The following PSD3 variants were observed in gnomAD, a reference collection of about 807,000 sequenced individuals.
The protein encoded by PSD3 is pleckstrin and Sec7 domain containing 3, also known as PH and SEC7 domain-containing protein 3.
PSD3 carries 49 observed loss-of-function variants against 105.5 expected under a neutral mutation model. The observed-to-expected ratio is 0.46, with a 90% CI of 0.37 to 0.59. The LOEUF is 0.59. PSD3 is among the 20% of genes least tolerant of loss of function. The pLI, the probability that PSD3 is intolerant of heterozygous loss-of-function variation, is 0.00. For missense variants in PSD3, 1,561 were observed against 1,263.8 expected, an observed-to-expected ratio of 1.24 and a Z score of -3.57; for synonymous variants, 557 against 457.8, an observed-to-expected ratio of 1.22 and a Z score of -2.77.
intron 10 of PSD3, among the ~76,000 whole-genome samples, chr8:18,643,088 T>C (rs1487754): frequency 0.32 from 48,911 of 152,044 alleles, 8,080 homozygotes; most frequent in Middle Eastern, 0.5. Flanking sequence ...TCACGAATGG[T>C]GACTTATTTC....
intron 9 of PSD3, among the ~76,000 whole-genome samples, chr8:18,679,293 A>G (rs1362138688): frequency 6.6e-6 from 1 of 152,236 alleles, no homozygotes; most frequent in Admixed American, 6.5e-5. Context: ...CAGTTATCTA[A>G]CAATGCAAAG....
chr8:18,812,004 A>C (rs1467168156), intron 4 of PSD3, among the ~76,000 whole-genome samples: 1 of 152,244 alleles, frequency 6.6e-6, no homozygotes, highest in Non-Finnish European at 1.5e-5. Flanking sequence ...TTATTATTAA[A>C]TAACGATTGC....
At chr8:18,780,665 T>C (rs764468757) in intron 8 of PSD3, among the ~76,000 whole-genome samples, 2 of 152,138 alleles carry the variant, frequency 1.3e-5, no homozygotes, top group Non-Finnish European at 2.9e-5. Flanking sequence ...GCCATTCTCC[T>C]ACCTCAGCCT....
chr8:18,813,711 T>G (rs535359638), intron 4 of PSD3, among the ~76,000 whole-genome samples: 33 of 152,300 alleles, frequency 2.2e-4, no homozygotes, highest in Non-Finnish European at 4.6e-4. Context: ...CTGGCTCCAG[T>G]GGTCACCAGT....
rs1277650690 is a variant in PSD3, at chr8:18,533,662, C to G, written c.*2081G>C. 6.6e-6 allele frequency: 1 copy of G among 152,144 alleles called. No individual in the cohort carries two copies. Among genetic ancestry groups the G allele is most frequent in the Admixed American group, 6.6e-5 (1 of 15,256 alleles). 9.4% of individuals were successfully genotyped at this position (152,144 alleles called of 1,614,324 possible). ...GTTCCTTTTTCTTTAGTTACTGAAG[C>G]TTGTAGATGACATGGTCTAGGTACC... On this transcript the variant is annotated 3_prime_UTR_variant, in exon 16 of 16. Coordinates refer to ENST00000327040, the MANE Select transcript of PSD3 (RefSeq NM_015310.4).
chr8:18,767,698 G>C (rs984455366), intron 8 of PSD3, among the ~76,000 whole-genome samples: 1 of 152,040 alleles, frequency 6.6e-6, no homozygotes, highest in African/African-American at 2.4e-5. Context: ...AGTGAGCAGA[G>C]ATCGTGCCAC....
At position 19,051,041 on chromosome 8, in the gene PSD3, G is replaced by C. The variant is rs571004734; in HGVS notation, c.324+33165C>G. On this transcript the variant is annotated intron_variant, in intron 1 of 1. Coordinates refer to the PSD3 transcript ENST00000521475. ...TATGACTCCAGATTCCAATTCTAGT[G>C]CTCTTCCAACATCCTCAGAGTCTAT... Among the ~76,000 whole-genome samples, 3 of 152,204 alleles carry C rather than the reference G, an allele frequency of 2.0e-5. No homozygotes were observed. The South Asian group carries it at 6.2e-4, about 32-fold the overall frequency.
rs1297093376 is a variant in PSD3, at chr8:18,616,620, TTTCTTTTC to T, written c.2410+15985_2410+15992del. Among the ~76,000 whole-genome samples, 29 of 53,694 alleles carry T rather than the reference TTTCTTTTC, an allele frequency of 5.4e-4. 1 individual carries two copies. The allele number at this position is 53,694 out of a possible 152,430, so 35.2% of individuals were successfully genotyped here. On this transcript the variant is annotated intron_variant, in intron 11 of 15. Transcript: ENST00000327040. ...CTAGCCAGGCCTCATCTTCCTCTCT[TTTCTTTTC>T]TTTTTTTTTTTTTGAGACGGAGTCT...
intron 15 of PSD3, among the ~76,000 whole-genome samples, chr8:18,547,583 C>T (rs1250136085): frequency 6.6e-6 from 1 of 152,210 alleles, no homozygotes; most frequent in Non-Finnish European, 1.5e-5. Context: ...TCTCACTACT[C>T]TCTTGCTACA....
intron 9 of PSD3, among the ~76,000 whole-genome samples, chr8:18,658,471 G>T (rs1003300226): frequency 6.6e-6 from 1 of 151,312 alleles, no homozygotes; most frequent in African/African-American, 2.4e-5. Context: ...TAGTATCTTC[G>T]ATTTCTTTGT....
At chr8:18,688,827 G>A (rs1244909055) in intron 9 of PSD3, among the ~76,000 whole-genome samples, 1 of 152,216 alleles carries the variant, frequency 6.6e-6, no homozygotes, top group Admixed American at 6.5e-5. Context: ...AGCCTGTACA[G>A]AGACAGCCGA....
At chr8:18,888,166 AATATCCACCTCTCAAG>A (rs1205516620) in intron 2 of PSD3, among the ~76,000 whole-genome samples, 2 of 152,178 alleles carry the variant, frequency 1.3e-5, no homozygotes, top group Non-Finnish European at 2.9e-5. Flanking sequence ...GCAAGCCAAA[AATATCCACCTCTCAAG>A]AAGCCTGGCC....
intron 2 of PSD3, among the ~76,000 whole-genome samples, chr8:18,903,328 G>C (rs945379022): frequency 2.9e-4 from 44 of 152,164 alleles, no homozygotes; most frequent in Admixed American, 2.6e-3. Context: ...TAGACCCTGG[G>C]TTGGCAGTGA....
intron 14 of PSD3, among the ~76,000 whole-genome samples, chr8:18,561,273 C>T (rs1419228009): frequency 6.6e-6 from 1 of 152,110 alleles, no homozygotes; most frequent in Non-Finnish European, 1.5e-5. Flanking sequence ...TATATATACA[C>T]AATGGAGTAT....
intron 9 of PSD3, among the ~76,000 whole-genome samples, chr8:18,699,659 A>C (rs1490315362): frequency 6.6e-6 from 1 of 152,222 alleles, no homozygotes; most frequent in African/African-American, 2.4e-5. Flanking sequence ...GGTAGCGTAA[A>C]GACTGCTGGG....
intron 15 of PSD3, among the ~76,000 whole-genome samples, chr8:18,544,108 T>C (rs1217388212): frequency 6.9e-6 from 1 of 144,272 alleles, no homozygotes; most frequent in Non-Finnish European, 1.5e-5. Context: ...AAAGCAATAA[T>C]CTCATGTACA....
At chr8:18,538,691 G>T (rs1033840797) in intron 15 of PSD3, among the ~76,000 whole-genome samples, 1 of 152,136 alleles carries the variant, frequency 6.6e-6, no homozygotes, top group Non-Finnish European at 1.5e-5. Context: ...AGATGATAGG[G>T]ACAGTTTTCC....
intron 10 of PSD3, among the ~76,000 whole-genome samples, chr8:18,646,166 G>C (rs1468348898): frequency 3.9e-5 from 6 of 152,056 alleles, no homozygotes; most frequent in Non-Finnish European, 7.4e-5. Context: ...TGTTAGTAAT[G>C]ATTGCCAACC....
At chr8:18,663,569 G>A (rs1289140356) in intron 9 of PSD3, among the ~76,000 whole-genome samples, 1 of 152,126 alleles carries the variant, frequency 6.6e-6, no homozygotes, top group African/African-American at 2.4e-5. Context: ...TCAATAAGAT[G>A]TATTCAAACA....
Sources: allele counts gnomAD v4.1 joint callset (sites outside exome capture counted in the v4.1 genomes callset), GRCh38; gene constraint gnomAD v4.1.1; transcripts MANE v1.5; gene names NCBI Gene and HGNC (gene_info 2026-07-23, HGNC 2026-07-21).